The following RBM33 variants were observed in gnomAD, a reference collection of about 807,000 sequenced individuals.
The protein encoded by RBM33 is RNA binding motif protein 33, also known as RNA-binding protein 33.
In RBM33, 28 loss-of-function variants were observed where a neutral mutation model predicts 132.6. The ratio of observed to expected loss-of-function variants is 0.21; its 90% CI spans 0.16 to 0.29. The LOEUF is 0.29. Ranked by LOEUF, RBM33 falls within the 10% of genes least tolerant of loss-of-function variation. The pLI, the probability that RBM33 is intolerant of heterozygous loss-of-function variation, is 1.00. For missense variants in RBM33, 1,291 were observed against 1,518.5 expected (o/e 0.85, Z 2.49); for synonymous variants, 634 against 593.0 (o/e 1.07, Z -1.01).
chr7:155,673,791 CACACACACA>C (rs1799073113), intron 3 of RBM33, among the ~76,000 whole-genome samples: 1 of 144,720 alleles, frequency 6.9e-6, no homozygotes, highest in East Asian at 1.9e-4. Context: ...CACACACACA[CACACACACA>C]CCCCTACCAG....
chr7:155,692,459 C>T, intron 5 of RBM33, among the ~76,000 whole-genome samples: 1 of 152,204 alleles, frequency 6.6e-6, no homozygotes, highest in East Asian at 1.9e-4. Context: ...CCTCTGGAGT[C>T]AAGGACAGGT....
intron 16 of RBM33, among the ~76,000 whole-genome samples, chr7:155,772,085 A>T (rs1447966162): frequency 1.3e-5 from 2 of 152,236 alleles, no homozygotes; most frequent in Non-Finnish European, 2.9e-5. Flanking sequence ...GAGAAGGTCC[A>T]TTATTGTAGT....
intron 9 of RBM33, among the ~76,000 whole-genome samples, chr7:155,736,228 ATGT>A (rs1296496931): frequency 3.3e-5 from 5 of 152,314 alleles, no homozygotes; most frequent in Admixed American, 6.5e-5. Context: ...GTGTTAGAAA[ATGT>A]TGTTGTGTTT....
chr7:155,711,420 C>T lies in RBM33; in HGVS notation c.1166C>T (p.Pro389Leu). The change falls in exon 8 of 18, where the codon CCG (proline) becomes CTG (leucine). Residue 389 changes from proline (P) to leucine (L), a missense_variant. This residue lies in a region of RBM33 where 10 missense variants were observed against 32.3 expected (regional missense o/e 0.31). Coordinates refer to ENST00000401878, the MANE Select transcript of RBM33 (RefSeq NM_053043.3). The part of the protein sequence containing the change: ...PQQPKNIHIN[P>L]HFKGTVVTPV... ...CAGCCCAAGAACATACACATCAACC[C>T]GCACTTCAAAGGGACGGTGGTCACG... is the stretch of plus-strand genomic sequence containing the variant. The T allele has an allele frequency of 6.6e-7, 1 of 1,517,964 alleles. No individual in the cohort carries two copies. Among genetic ancestry groups the T allele is most frequent in the Non-Finnish European group, 8.8e-7 (1 of 1,131,618 alleles). The allele number at this position is 1,517,964 out of a possible 1,614,324, so 94.0% of individuals were successfully genotyped here.
At chr7:155,735,856 A>G (rs1264794887) in intron 9 of RBM33, among the ~76,000 whole-genome samples, 1 of 152,176 alleles carries the variant, frequency 6.6e-6, no homozygotes, top group Non-Finnish European at 1.5e-5. Context: ...TATATTCCTC[A>G]GTTACTGACA....
chr7:155,668,139 C>T (rs1046380383), intron 2 of RBM33, among the ~76,000 whole-genome samples: 14 of 152,130 alleles, frequency 9.2e-5, no homozygotes, highest in Admixed American at 2.6e-4. Flanking sequence ...TCTATGTATA[C>T]GTATGTAGAC....
chr7:155,673,768 G>GCACACACA (rs369116329), intron 3 of RBM33, among the ~76,000 whole-genome samples: 9,664 of 132,860 alleles, frequency 0.073, 608 homozygotes, highest in East Asian at 0.14. Flanking sequence ...GCGCATGCGC[G>GCACACACA]CACACACACA....
intron 5 of RBM33, among the ~76,000 whole-genome samples, chr7:155,688,923 G>A (rs1477394742): frequency 2.0e-5 from 3 of 152,146 alleles, no homozygotes; most frequent in African/African-American, 7.2e-5. Flanking sequence ...CAGGGATATT[G>A]GTCTAAAATT....
At chr7:155,699,275 G>A (rs1799890960) in intron 5 of RBM33, among the ~76,000 whole-genome samples, 1 of 152,028 alleles carries the variant, frequency 6.6e-6, no homozygotes, top group African/African-American at 2.4e-5. Flanking sequence ...AAATGTTGGC[G>A]TCACCTGGGA....
chr7:155,737,227 C>T lies in RBM33; in HGVS notation c.1261-303C>T, dbSNP rs943347359. Among the ~76,000 whole-genome samples, 4 of 150,180 alleles carry T rather than the reference C, an allele frequency of 2.7e-5. No individual in the cohort carries two copies. The East Asian group carries it at 5.9e-4, about 22-fold the overall frequency. ...CTATACAGGCTAGGTGTGTAGAAAGCGCTACCATCTAGGTGCGCGTGTGTG... is the reference window on the plus strand; with the variant it reads ...CTATACAGGCTAGGTGTGTAGAAAGTGCTACCATCTAGGTGCGCGTGTGTG... On this transcript the variant is annotated intron_variant, in intron 9 of 17. Coordinates refer to ENST00000401878, the MANE Select transcript of RBM33 (RefSeq NM_053043.3).
chr7:155,741,839 A>T lies in RBM33; in HGVS notation c.2070A>T (p.Val690=). 6.2e-7 allele frequency: 1 copy of T among 1,611,752 alleles called. No homozygotes were observed. Among genetic ancestry groups the T allele is most frequent in the Non-Finnish European group, 8.5e-7 (1 of 1,177,906 alleles). The change falls in exon 13 of 18, where the codon GTA becomes GTT. Residue 690 remains valine, a synonymous_variant. Transcript: ENST00000401878. ...AAAAGAATACAACTTCTCAGAATGT[A>T]AGCAAGCGGCCCATGCAGCAAATGC... ...GLRHNTTSQN[V]SKRPMQQMQP...
chr7:155,769,859 T>G (rs1416382281), intron 16 of RBM33, among the ~76,000 whole-genome samples: 1 of 152,170 alleles, frequency 6.6e-6, no homozygotes, highest in Non-Finnish European at 1.5e-5. Context: ...AACAGATGTG[T>G]GTGGGCACAT....
chr7:155,658,433 G>A (rs1322630454), intron 1 of RBM33, among the ~76,000 whole-genome samples: 4 of 148,516 alleles, frequency 2.7e-5, no homozygotes, highest in African/African-American at 1.0e-4. Context: ...TGTCGCCCAG[G>A]CTGGAGTGCA....
intron 14 of RBM33, among the ~76,000 whole-genome samples, chr7:155,759,415 CTTTTTTTTTTT>C (rs58449648): frequency 8.8e-6 from 1 of 114,014 alleles, no homozygotes; most frequent in Non-Finnish European, 1.8e-5. Flanking sequence ...TGTTTATGTT[CTTTTTTTTTTT>C]TTTTTTTTTG....
intron 1 of RBM33, among the ~76,000 whole-genome samples, chr7:155,649,256 G>A (rs977446286): frequency 6.6e-6 from 1 of 151,976 alleles, no homozygotes; most frequent in African/African-American, 2.4e-5. Context: ...TCTTCAGAAC[G>A]TTTATCTCAA....
rs148187823 is a variant in RBM33 at position 155,729,840 on chromosome 7, G to A, written c.1261-7690G>A. Among the ~76,000 whole-genome samples, 868 of 151,916 alleles carry A rather than the reference G, an allele frequency of 5.7e-3. 4 individuals carry two copies. Among genetic ancestry groups the A allele is most frequent in the African/African-American group, 0.02 (821 of 41,440 alleles). On this transcript the variant is annotated intron_variant, in intron 9 of 17. Transcript: ENST00000401878. ...GTGATCACCCCAGATCTTGGCTTCTGTTTGGTCCTTGTGCACTGTATGTGT... is the reference window on the plus strand; with the variant it reads ...GTGATCACCCCAGATCTTGGCTTCTATTTGGTCCTTGTGCACTGTATGTGT...
At chr7:155,690,232 C>A (rs1273976294) in intron 5 of RBM33, among the ~76,000 whole-genome samples, 2 of 152,180 alleles carry the variant, frequency 1.3e-5, no homozygotes, top group African/African-American at 4.8e-5. Context: ...TAATGCCCTT[C>A]TTTGTCTCTT....
intron 8 of RBM33, among the ~76,000 whole-genome samples, chr7:155,718,063 G>A (rs1029322503): frequency 6.6e-6 from 1 of 151,994 alleles, no homozygotes; most frequent in Non-Finnish European, 1.5e-5. Flanking sequence ...ATCTGTATAG[G>A]GATAGGAGAA....
chr7:155,673,220 T>A (rs1292793148), intron 3 of RBM33, among the ~76,000 whole-genome samples: 1 of 152,116 alleles, frequency 6.6e-6, no homozygotes, highest in East Asian at 1.9e-4. Context: ...AAGTCACATT[T>A]GGAGGTGAAT....
Sources: gnomAD v4.1 joint callset for allele counts (sites outside exome capture counted in the v4.1 genomes callset) on GRCh38, gnomAD v4.1.1 for gene constraint, gnomAD v4.1.1 regional missense constraint, MANE v1.5 for transcripts, NCBI Gene and HGNC (gene_info 2026-07-23, HGNC 2026-07-21) for gene names.